MBD5: variants seen among roughly 807,000 people sequenced by gnomAD.
The protein encoded by MBD5 is methyl-CpG-binding domain protein 5.
A neutral mutation model predicts 117.3 loss-of-function variants in MBD5; 13 were observed. The observed-to-expected ratio is 0.11, with a 90% CI of 0.07 to 0.18. The LOEUF (loss-of-function observed/expected upper bound fraction) is 0.18, where lower values mean the gene tolerates loss of function less well. Ranked by LOEUF, MBD5 falls within the 10% of genes least tolerant of loss-of-function variation. The probability of loss-of-function intolerance (pLI) is 1.00; values close to 1 mark genes in which losing one functional copy is unlikely to be tolerated. For synonymous variants in MBD5, 727 were observed against 766.4 expected, an observed-to-expected ratio of 0.95 and a Z score of 0.85; for missense variants, 1,879 against 2,093.8, an observed-to-expected ratio of 0.90 and a Z score of 2.00.
At chr2:148,429,666 A>G (rs1705923476) in intron 4 of MBD5, among the ~76,000 whole-genome samples, 1 of 152,202 alleles carries the variant, frequency 6.6e-6, no homozygotes, top group African/African-American at 2.4e-5. Context: ...CTATGCAGCC[A>G]TGAAAAAAGA....
chr2:148,069,622 A>C (rs945822688), intron 1 of MBD5, among the ~76,000 whole-genome samples: 25 of 152,094 alleles, frequency 1.6e-4, no homozygotes, highest in Non-Finnish European at 2.2e-4. Context: ...TGTCTATACA[A>C]GCCGCTGTTA....
intron 3 of MBD5, among the ~76,000 whole-genome samples, chr2:148,325,123 A>G (rs1702409152): frequency 6.6e-6 from 1 of 152,162 alleles, no homozygotes; most frequent in Admixed American, 6.6e-5. Context: ...TTCTGTTTAT[A>G]TGCTGGATTA....
At chr2:148,400,674 A>G (rs1704891689) in intron 4 of MBD5, among the ~76,000 whole-genome samples, 1 of 152,244 alleles carries the variant, frequency 6.6e-6, no homozygotes, top group Non-Finnish European at 1.5e-5. Flanking sequence ...TAAGCTCTGA[A>G]TATCACTTTC....
At position 148,483,943 on chromosome 2, in the gene MBD5, A is replaced by G; in HGVS notation, c.3352A>G (p.Thr1118Ala). Residue 1118 changes from threonine (T) to alanine (A), a missense_variant, in exon 9 of 14, where the codon ACC (threonine) becomes GCC (alanine). Thr to Ala is a moderately conservative substitution (Grantham distance 58, BLOSUM62 0). Around this residue, in one of 4 missense-constraint regions of MBD5, gnomAD observed 1,666 missense variants for 1,792.2 expected, o/e 0.93. Transcript: ENST00000642680. The part of the protein sequence containing the change: ...SIATSSQATT[T>A]TTTTSSAVAA... ...AGCAACCTCCTCCCAGGCAACCACT[A>G]CCACAACCACTACATCATCAGCAGT... 1 of 1,550,478 alleles carries G rather than the reference A, an allele frequency of 6.4e-7. No individual in the cohort carries two copies. The highest frequency in any genetic ancestry group is 8.7e-7 in the Non-Finnish European group (1 of 1,146,946).
Position 148,489,382 on chromosome 2 carries a change from C to T in MBD5, c.3754-4C>T. On this transcript the variant is annotated splice_region_variant and splice_polypyrimidine_tract_variant and intron_variant, in intron 10 of 13. Transcript: ENST00000642680. ...TCTCACTGCTTCCTGTCTATTTCTT[C>T]AAGGTGAGAATGCAGGAAGATGCAG... is the stretch of plus-strand genomic sequence containing the variant. 1 of 1,614,038 alleles carries T rather than the reference C, an allele frequency of 6.2e-7. No homozygotes were observed. Among genetic ancestry groups the T allele is most frequent in the Non-Finnish European group, 8.5e-7 (1 of 1,180,008 alleles).
At chr2:148,462,530 A>C in intron 5 of MBD5, 52 bp from the exon 6 acceptor site, 1 of 1,146,804 alleles carries the variant, frequency 8.7e-7, no homozygotes, top group Non-Finnish European at 1.3e-6. Flanking sequence ...TTTTTCATAT[A>C]ATATGTGTAG....
chr2:148,399,184 A>G (rs1010455667), intron 4 of MBD5, among the ~76,000 whole-genome samples: 10 of 152,280 alleles, frequency 6.6e-5, no homozygotes, highest in South Asian at 4.1e-4. Flanking sequence ...TTCCAATTCC[A>G]TGAAGAAAGT....
At chr2:148,228,055 A>G (rs1699882506) in intron 2 of MBD5, among the ~76,000 whole-genome samples, 1 of 152,228 alleles carries the variant, frequency 6.6e-6, no homozygotes, top group Non-Finnish European at 1.5e-5. Flanking sequence ...GTCCTCTGCA[A>G]ACAGGGATGA....
At chr2:148,411,903 AT>A (rs1705264129) in intron 4 of MBD5, among the ~76,000 whole-genome samples, 1 of 152,060 alleles carries the variant, frequency 6.6e-6, no homozygotes, top group Non-Finnish European at 1.5e-5. Context: ...TGGCATCTTC[AT>A]CATGAAATAT....
At chr2:148,134,103 G>T (rs899251656) in intron 1 of MBD5, among the ~76,000 whole-genome samples, 3 of 151,846 alleles carry the variant, frequency 2.0e-5, no homozygotes, top group East Asian at 3.9e-4. Flanking sequence ...TCTGCTGATG[G>T]CCGTGTATTA....
chr2:148,434,729 G>A (rs1706102496), intron 4 of MBD5, among the ~76,000 whole-genome samples: 1 of 151,978 alleles, frequency 6.6e-6, no homozygotes, highest in Non-Finnish European at 1.5e-5. Context: ...ATGTATATTC[G>A]GTGTTTTGGG....
intron 1 of MBD5, among the ~76,000 whole-genome samples, chr2:148,050,699 A>G (rs182268779): frequency 4.6e-5 from 7 of 152,272 alleles, no homozygotes; most frequent in African/African-American, 1.4e-4. Context: ...ACTCCTGTCA[A>G]AAATCTGTTA....
chr2:148,450,832 G>A (rs1706704570), intron 4 of MBD5, among the ~76,000 whole-genome samples: 1 of 152,120 alleles, frequency 6.6e-6, no homozygotes, highest in Non-Finnish European at 1.5e-5. Flanking sequence ...AGACTTCTAT[G>A]TGACTAGAGT....
chr2:148,358,004 G>A (rs1703430329), intron 4 of MBD5, among the ~76,000 whole-genome samples: 1 of 152,008 alleles, frequency 6.6e-6, no homozygotes. Context: ...GAGGTTTCCT[G>A]TGCCCACTTC....
At chr2:148,509,422 G>A (rs958926327) in intron 12 of MBD5, among the ~76,000 whole-genome samples, 1 of 152,242 alleles carries the variant, frequency 6.6e-6, no homozygotes, top group African/African-American at 2.4e-5. Flanking sequence ...AAAGGTCAGA[G>A]AAGTGATAGG....
chr2:148,442,374 C>A (rs1174107288), intron 4 of MBD5, among the ~76,000 whole-genome samples: 2 of 151,202 alleles, frequency 1.3e-5, no homozygotes, highest in African/African-American at 4.9e-5. Flanking sequence ...CTTCAAGGAG[C>A]TAGTGAGCCC....
chr2:148,275,761 G>T (rs1376819057), intron 3 of MBD5, among the ~76,000 whole-genome samples: 2 of 151,750 alleles, frequency 1.3e-5, no homozygotes, highest in Non-Finnish European at 2.9e-5. Flanking sequence ...ATCACAGCCT[G>T]GAAATCACTT....
At chr2:148,196,661 T>C (rs1254649584) in intron 2 of MBD5, among the ~76,000 whole-genome samples, 3 of 152,184 alleles carry the variant, frequency 2.0e-5, no homozygotes, top group Admixed American at 6.6e-5. Context: ...AATGCAAGAA[T>C]GTAGATCATA....
At chr2:148,452,945 T>G (rs185741193) in intron 4 of MBD5, among the ~76,000 whole-genome samples, 4 of 152,312 alleles carry the variant, frequency 2.6e-5, no homozygotes, top group African/African-American at 7.2e-5. Flanking sequence ...TGCTAAAATT[T>G]TATAAGCCCA....
Sources: gnomAD v4.1 joint callset for allele counts (sites outside exome capture counted in the v4.1 genomes callset) on GRCh38, gnomAD v4.1.1 for gene constraint, gnomAD v4.1.1 regional missense constraint, MANE v1.5 for transcripts, NCBI Gene and HGNC (gene_info 2026-07-23, HGNC 2026-07-21) for gene names.